Variants in EIF4G3 observed in about 807,000 individuals in gnomAD.
The protein encoded by EIF4G3 is eukaryotic translation initiation factor 4 gamma 3, also known as eIF-4-gamma 3.
A neutral mutation model predicts 186.4 loss-of-function variants in EIF4G3; 34 were observed. The ratio of observed to expected loss-of-function variants is 0.18; its 90% CI spans 0.14 to 0.24. The LOEUF is 0.24. Among genes scored for constraint, EIF4G3 ranks in the 10% least tolerant of loss-of-function variants. The probability of loss-of-function intolerance (pLI) is 1.00; values close to 1 mark genes in which losing one functional copy is unlikely to be tolerated. For missense variants in EIF4G3, 1,536 were observed against 1,948.5 expected, an observed-to-expected ratio of 0.79 and a Z score of 3.99; for synonymous variants, 673 against 679.5, an observed-to-expected ratio of 0.99 and a Z score of 0.15.
chr1:21,019,418 C>T lies in EIF4G3; in HGVS notation c.-66-16610G>A, dbSNP rs570694212. On this transcript the variant is annotated intron_variant, in intron 4 of 36. Coordinates refer to ENST00000602326, the MANE Select transcript of EIF4G3 (RefSeq NM_001391906.1). ...AAACTTGATATGGTAGTATATTCCA[C>T]ATGAAACTCATAAATGGTAGACAGC... 1.2e-4 allele frequency among the ~76,000 whole-genome samples: 18 copies of T among 152,292 alleles called. No homozygotes were observed. The East Asian group carries it at 3.3e-3, about 28-fold the overall frequency.
chr1:20,882,176 T>TACACACACACACACAC (rs138208807), intron 19 of EIF4G3, among the ~76,000 whole-genome samples: 187 of 87,020 alleles, frequency 2.1e-3, no homozygotes, highest in South Asian at 5.4e-3. Flanking sequence ...AAAGAAAAAT[T>TACACACACACACACAC]ACACACACAC....
intron 3 of EIF4G3, among the ~76,000 whole-genome samples, chr1:21,055,990 T>C (rs1024707236): frequency 6.6e-6 from 1 of 152,146 alleles, no homozygotes; most frequent in Non-Finnish European, 1.5e-5. Flanking sequence ...GTCAGAAAAC[T>C]ATTATATTGC....
intron 4 of EIF4G3, among the ~76,000 whole-genome samples, chr1:21,049,653 T>G (rs1387593380): frequency 6.6e-6 from 1 of 152,158 alleles, no homozygotes; most frequent in African/African-American, 2.4e-5. Context: ...TAAAATATAA[T>G]TAATCAGCAC....
At chr1:20,967,098 G>A (rs933747153) in intron 12 of EIF4G3, among the ~76,000 whole-genome samples, 1 of 152,074 alleles carries the variant, frequency 6.6e-6, no homozygotes, top group African/African-American at 2.4e-5. Context: ...CAGTCTCTGG[G>A]GAAAGACACA....
intron 4 of EIF4G3, among the ~76,000 whole-genome samples, chr1:21,005,452 A>T (rs2084786527): frequency 6.6e-6 from 1 of 152,162 alleles, no homozygotes; most frequent in Non-Finnish European, 1.5e-5. Flanking sequence ...ACATAAAGAA[A>T]TGTTACCTCT....
chr1:20,863,378 T>TAA lies in EIF4G3; in HGVS notation c.3007-1048_3007-1047dup, dbSNP rs3051243. On this transcript the variant is annotated intron_variant, in intron 22 of 36. Coordinates refer to ENST00000602326, the MANE Select transcript of EIF4G3 (RefSeq NM_001391906.1). ...TGAGACCCATCATCTCTACAAAAAG[T>TAA]AAAAAAAAAAAAAAAAAAAAAAAAT... 2.0e-4 allele frequency among the ~76,000 whole-genome samples: 21 copies of TAA among 102,466 alleles called. 1 individual carries two copies. The highest frequency in any genetic ancestry group is 6.2e-4 in the African/African-American group (15 of 24,280). 67.2% of individuals were successfully genotyped at this position (102,466 alleles called of 152,430 possible). A position where few individuals can be genotyped will look rare whatever the true frequency, so the allele number is the denominator to read the frequency against.
chr1:20,816,522 G>A lies in EIF4G3; in HGVS notation c.4515+870C>T, dbSNP rs1430707762. ...GGGTCAGCCCCCCGCCCGGCCAGCCGCCCTATCCAGGAGGTGAGGGGCGCC... is the reference window on the plus strand; with the variant it reads ...GGGTCAGCCCCCCGCCCGGCCAGCCACCCTATCCAGGAGGTGAGGGGCGCC... On this transcript the variant is annotated intron_variant, in intron 34 of 36. Coordinates refer to ENST00000602326, the MANE Select transcript of EIF4G3 (RefSeq NM_001391906.1). 1.4e-3 allele frequency among the ~76,000 whole-genome samples: 103 copies of A among 74,440 alleles called. 1 individual carries two copies. The highest frequency in any genetic ancestry group is 5.3e-3 in the African/African-American group (100 of 18,964). 48.8% of individuals were successfully genotyped at this position (74,440 alleles called of 152,430 possible). A position where few individuals can be genotyped will look rare whatever the true frequency, so the allele number is the denominator to read the frequency against.
intron 2 of EIF4G3, among the ~76,000 whole-genome samples, chr1:21,164,839 G>T (rs1002706884): frequency 6.6e-6 from 1 of 152,142 alleles, no homozygotes. Flanking sequence ...ACTCCAGCCT[G>T]GGTGACAGAG....
intron 20 of EIF4G3, among the ~76,000 whole-genome samples, chr1:20,876,729 C>T (rs1332871512): frequency 6.6e-6 from 1 of 152,158 alleles, no homozygotes; most frequent in Non-Finnish European, 1.5e-5. Context: ...CAGGAGGTGG[C>T]TCCTGCCTGT....
intron 20 of EIF4G3, among the ~76,000 whole-genome samples, chr1:20,872,008 A>T (rs1397332681): frequency 1.3e-5 from 2 of 152,010 alleles, no homozygotes; most frequent in Non-Finnish European, 2.9e-5. Flanking sequence ...CTTTTCCAAC[A>T]GTACAAAATA....
At chr1:21,166,101 T>C (rs902655272) in intron 2 of EIF4G3, among the ~76,000 whole-genome samples, 1 of 148,166 alleles carries the variant, frequency 6.7e-6, no homozygotes, top group Non-Finnish European at 1.5e-5. Flanking sequence ...ACCCTGACTA[T>C]AGTCTTAAAC....
chr1:21,134,057 A>C (rs1033549730), intron 2 of EIF4G3, among the ~76,000 whole-genome samples: 2 of 152,234 alleles, frequency 1.3e-5, no homozygotes, highest in African/African-American at 2.4e-5. Context: ...ATCTCACATT[A>C]GAATTTTACT....
chr1:21,143,898 G>A (rs1006136647), intron 2 of EIF4G3, among the ~76,000 whole-genome samples: 6 of 151,926 alleles, frequency 3.9e-5, no homozygotes, highest in African/African-American at 1.5e-4. Flanking sequence ...CTCCAGCCTG[G>A]GTGACAGAGC....
At chr1:20,891,588 C>A (rs1297577795) in intron 18 of EIF4G3, among the ~76,000 whole-genome samples, 2 of 141,540 alleles carry the variant, frequency 1.4e-5, no homozygotes, top group East Asian at 4.1e-4. Context: ...CTGGCTAACA[C>A]GGTGAAACCC....
At chr1:21,004,109 G>A (rs549889743) in intron 4 of EIF4G3, among the ~76,000 whole-genome samples, 38 of 152,272 alleles carry the variant, frequency 2.5e-4, no homozygotes, top group Middle Eastern at 3.4e-3. Context: ...CCTTGAGGAA[G>A]ACATCTCAGA....
Position 20,855,061 on chromosome 1 carries a change from T to C in EIF4G3, c.3350A>G (p.Asp1117Gly), listed in dbSNP as rs1557934784. ...KFLKITKPTI[D>G]EKIQLVPKAQ... Reference sequence around the variant, plus strand: ...TTTAGGTACCAGCTGAATTTTTTCATCAATTGTAGGCTGTAACATAAGGGA... The same window carrying C: ...TTTAGGTACCAGCTGAATTTTTTCACCAATTGTAGGCTGTAACATAAGGGA... The change falls in exon 26 of 37, where the codon GAT (aspartate) becomes GGT (glycine). Residue 1117 changes from aspartate (D) to glycine (G), a missense_variant. Physicochemically the swap from Asp to Gly is moderately conservative, Grantham distance 94. This residue lies in a region of EIF4G3 where 6 missense variants were observed against 27.0 expected (regional missense o/e 0.22). Coordinates refer to ENST00000602326, the MANE Select transcript of EIF4G3 (RefSeq NM_001391906.1). 2 of 1,611,162 alleles carry C rather than the reference T, an allele frequency of 1.2e-6. No individual in the cohort carries two copies. Among genetic ancestry groups the C allele is most frequent in the Admixed American group, 3.3e-5 (2 of 59,790 alleles).
intron 2 of EIF4G3, among the ~76,000 whole-genome samples, chr1:21,148,970 C>G (rs969943300): frequency 1.3e-5 from 2 of 151,808 alleles, no homozygotes; most frequent in Admixed American, 6.6e-5. Context: ...GTGGCTCATG[C>G]CTGTAATCCC....
chr1:21,116,996 G>A (rs1291101012), intron 2 of EIF4G3, among the ~76,000 whole-genome samples: 1 of 151,956 alleles, frequency 6.6e-6, no homozygotes, highest in East Asian at 1.9e-4. Context: ...ATTGCAAATT[G>A]GAAATAAAAT....
intron 2 of EIF4G3, among the ~76,000 whole-genome samples, chr1:21,133,987 T>C (rs2097197479): frequency 6.6e-6 from 1 of 152,228 alleles, no homozygotes; most frequent in Admixed American, 6.5e-5. Flanking sequence ...TGGATTTCAA[T>C]GTCACTTGCT....
Sources: gnomAD v4.1 joint callset for allele counts (sites outside exome capture counted in the v4.1 genomes callset) on GRCh38, gnomAD v4.1.1 for gene constraint, gnomAD v4.1.1 regional missense constraint, MANE v1.5 for transcripts, NCBI Gene and HGNC (gene_info 2026-07-23, HGNC 2026-07-21) for gene names.